The following AGT variants were observed in gnomAD, a reference collection of about 807,000 sequenced individuals.
The protein encoded by AGT is alpha-1 antiproteinase, antitrypsin.
A neutral mutation model predicts 28.1 loss-of-function variants in AGT; 26 were observed. That is an observed-to-expected ratio of 0.92 (90% confidence interval 0.68 to 1.28). AGT has a LOEUF of 1.28. AGT is among the 50% of genes most tolerant of loss of function. The probability of loss-of-function intolerance (pLI) is 0.00; values close to 1 mark genes in which losing one functional copy is unlikely to be tolerated. For synonymous variants in AGT, 259 were observed against 259.6 expected (o/e 1.00, Z 0.02); for missense variants, 596 against 592.3 (o/e 1.01, Z -0.06).
intron 2 of AGT, among the ~76,000 whole-genome samples, chr1:230,708,140 A>G (rs1296765641): frequency 6.6e-6 from 1 of 152,206 alleles, no homozygotes; most frequent in Non-Finnish European, 1.5e-5. Flanking sequence ...CAGCAAAGTT[A>G]GGAAGTGGGG....
In AGT at chr1:230,706,523, C is replaced by G. The variant is rs549418789; in HGVS notation, c.830-323G>C. Among the ~76,000 whole-genome samples the G allele has an allele frequency of 2.0e-4, 30 of 152,356 alleles. 1 individual carries two copies. In the South Asian group the frequency reaches 6.0e-3, roughly 31 times the overall value. On this transcript the variant is annotated intron_variant, in intron 2 of 4. Transcript: ENST00000366667. ...AAGCCACTGGTACCTGCCAGGTCAA[C>G]TCAAACCTAGAACTGTCCTGACCCA...
intron 3 of AGT, among the ~76,000 whole-genome samples, chr1:230,705,436 C>A (rs1190566165): frequency 1.3e-5 from 2 of 152,160 alleles, no homozygotes; most frequent in Non-Finnish European, 2.9e-5. Flanking sequence ...GAGGAGCTAA[C>A]AACACCTATC....
At chr1:230,741,541 C>T (rs576101703) in intron 1 of AGT, among the ~76,000 whole-genome samples, 2 of 152,334 alleles carry the variant, frequency 1.3e-5, no homozygotes, top group South Asian at 4.1e-4. Context: ...TGCCTGAGCA[C>T]GGCTCATTCC....
At chr1:230,729,418 T>G (rs1288949548) in intron 1 of AGT, among the ~76,000 whole-genome samples, 2 of 152,224 alleles carry the variant, frequency 1.3e-5, no homozygotes, top group African/African-American at 4.8e-5. Context: ...CTTAGAAAAC[T>G]TGTAATTATA....
chr1:230,739,392 G>A (rs1218939584), intron 1 of AGT, among the ~76,000 whole-genome samples: 2 of 151,848 alleles, frequency 1.3e-5, no homozygotes, highest in African/African-American at 4.8e-5. Context: ...GGGGCGGGGG[G>A]TGGCTGGGAA....
At chr1:230,741,079 G>A (rs143775685) in intron 1 of AGT, among the ~76,000 whole-genome samples, 7 of 152,286 alleles carry the variant, frequency 4.6e-5, no homozygotes, top group East Asian at 3.9e-4. Context: ...AAAGGAAATC[G>A]TCTTGGGCTG....
chr1:230,740,192 T>C (rs1664222101), intron 1 of AGT, among the ~76,000 whole-genome samples: 1 of 152,182 alleles, frequency 6.6e-6, no homozygotes, highest in Non-Finnish European at 1.5e-5. Context: ...TCTTTTAGTA[T>C]GCTAATGTAT....
intron 1 of AGT, among the ~76,000 whole-genome samples, chr1:230,743,995 C>G (rs1664295566): frequency 6.6e-6 from 1 of 152,250 alleles, no homozygotes; most frequent in Admixed American, 6.5e-5. Flanking sequence ...GCAGATTGCT[C>G]TGCTAAAGAG....
chr1:230,704,141 C>T (rs1663312176), intron 4 of AGT, 52 bp downstream of exon 4: 5 of 1,613,736 alleles, frequency 3.1e-6, no homozygotes, highest in Admixed American at 3.3e-5. Flanking sequence ...ATGCCTCCCA[C>T]CCTGTGCACA....
At chr1:230,717,888 A>G (rs1046021490), upstream of AGT, among the ~76,000 whole-genome samples, 3 of 152,214 alleles carry the variant, frequency 2.0e-5, no homozygotes, top group African/African-American at 7.2e-5. Flanking sequence ...AAGTTGGCTC[A>G]CATGGGCTTT....
intron 2 of AGT, 83 bp downstream of exon 2, chr1:230,709,912 T>C: frequency 6.3e-7 from 1 of 1,595,858 alleles, no homozygotes; most frequent in Non-Finnish European, 8.6e-7. Context: ...CCCCTGCCCA[T>C]CTCCAAGGCC....
At chr1:230,733,545 C>T (rs1664103704) in intron 1 of AGT, among the ~76,000 whole-genome samples, 1 of 152,146 alleles carries the variant, frequency 6.6e-6, no homozygotes, top group Non-Finnish European at 1.5e-5. Flanking sequence ...TTTGTCTACA[C>T]CCTGACAGTT....
At chr1:230,740,347 C>T (rs958685124) in intron 1 of AGT, among the ~76,000 whole-genome samples, 5 of 152,018 alleles carry the variant, frequency 3.3e-5, no homozygotes, top group African/African-American at 4.8e-5. Flanking sequence ...TGTGACCTGC[C>T]GACCTCCTAT....
chr1:230,702,971 C>A lies in AGT; in HGVS notation c.*170G>T. On this transcript the variant is annotated 3_prime_UTR_variant, in exon 5 of 5. Coordinates refer to ENST00000366667, the MANE Select transcript of AGT (RefSeq NM_001384479.1). ...GCTCACTCCATGCAGCACACTTAGACCAAGGAGAAACGGCTGCTTTCCAGC... is the reference window on the plus strand; with the variant it reads ...GCTCACTCCATGCAGCACACTTAGAACAAGGAGAAACGGCTGCTTTCCAGC... The A allele has an allele frequency of 1.4e-6, 1 of 724,614 alleles. No individual in the cohort carries two copies. Among genetic ancestry groups the A allele is most frequent in the Non-Finnish European group, 2.2e-6 (1 of 446,126 alleles). 44.9% of individuals were successfully genotyped at this position (724,614 alleles called of 1,614,324 possible). A position where few individuals can be genotyped will look rare whatever the true frequency, so the allele number is the denominator to read the frequency against.
intron 1 of AGT, among the ~76,000 whole-genome samples, chr1:230,712,683 A>T (rs1477806181): frequency 6.6e-6 from 1 of 152,188 alleles, no homozygotes; most frequent in East Asian, 1.9e-4. Context: ...GCTCCTGCTC[A>T]GGCAGCGTCT....
At chr1:230,709,875 G>A in intron 2 of AGT, 120 bp downstream of exon 2, 1 of 1,438,834 alleles carries the variant, frequency 7.0e-7, no homozygotes, top group Non-Finnish European at 9.7e-7. Flanking sequence ...TCTCAAGGGT[G>A]GTCACCAGGT....
intron 1 of AGT, 96 bp from the exon 2 acceptor site, chr1:230,710,949 C>T (rs1359387636): frequency 2.8e-6 from 4 of 1,444,120 alleles, no homozygotes; most frequent in East Asian, 4.6e-5. Flanking sequence ...TTCCCTGTCA[C>T]CATTTAGCCC....
chr1:230,717,277 C>T (rs900529184), upstream of AGT, among the ~76,000 whole-genome samples: 33 of 152,036 alleles, frequency 2.2e-4, no homozygotes, highest in Admixed American at 1.3e-4. Flanking sequence ...GGGATGATGA[C>T]GTTTGGGATC....
intron 1 of AGT, among the ~76,000 whole-genome samples, chr1:230,713,308 A>G (rs1014959408): frequency 1.3e-5 from 2 of 152,104 alleles, no homozygotes; most frequent in African/African-American, 4.8e-5. Flanking sequence ...TAGTTAATGA[A>G]TTGGTTCATG....
Sources: allele counts gnomAD v4.1 joint callset (sites outside exome capture counted in the v4.1 genomes callset), GRCh38; gene constraint gnomAD v4.1.1; transcripts MANE v1.5; gene names NCBI Gene and HGNC (gene_info 2026-07-23, HGNC 2026-07-21).